The following BOC variants were observed in gnomAD, a reference collection of about 807,000 sequenced individuals.
BOC encodes brother of CDO.
BOC carries 76 observed loss-of-function variants against 112.0 expected under a neutral mutation model. That is an observed-to-expected ratio of 0.68 (90% confidence interval 0.56 to 0.82). BOC has a LOEUF of 0.82. Among genes scored for constraint, BOC ranks in the 40% least tolerant of loss-of-function variants. The probability of loss-of-function intolerance (pLI) is 0.00; values close to 1 mark genes in which losing one functional copy is unlikely to be tolerated. For missense variants in BOC, 1,309 were observed against 1,511.7 expected, an observed-to-expected ratio of 0.87 and a Z score of 2.22; for synonymous variants, 580 against 599.8, an observed-to-expected ratio of 0.97 and a Z score of 0.48.
At chr3:113,212,202 G>A (rs993501623) in intron 1 of BOC, 186 bp downstream of exon 1, 1 of 150,946 alleles carries the variant, frequency 6.6e-6, no homozygotes, top group Admixed American at 6.6e-5. Flanking sequence ...TGGGAGCTGC[G>A]GCCGAGGCTG....
intron 2 of BOC, among the ~76,000 whole-genome samples, chr3:113,223,999 C>T (rs1292369593): frequency 2.0e-5 from 3 of 152,274 alleles, no homozygotes; most frequent in African/African-American, 7.2e-5. Context: ...GAAGTATCAG[C>T]TGTGCAGACC....
Position 113,279,908 on chromosome 3 carries a change from C to T in BOC, c.2108C>T (p.Ser703Leu), listed in dbSNP as rs201653972. 5.0e-5 allele frequency: 81 copies of T among 1,613,964 alleles called. 1 individual carries two copies. The East Asian group carries it at 6.9e-4, about 14-fold the overall frequency. The change falls in exon 13 of 20, where the codon TCG becomes TTG. Residue 703 changes from serine to leucine, a missense_variant. By Grantham distance (145) the Ser-to-Leu change is moderately radical. Coordinates refer to ENST00000682979, the MANE Select transcript of BOC (RefSeq NM_001378074.1). ...GCCCCCTCTCGGCCCTACGTGGTGT[C>T]GGGCTACAGCGGTCGCGTGTACGAG... ...PSAPSRPYVVSGYSGRVYERP... is the reference protein window; with the variant it reads ...PSAPSRPYVVLGYSGRVYERP...
At position 113,274,883 on chromosome 3, in the gene BOC, GA is replaced by G. The variant is rs1451116047; in HGVS notation, c.1542+202del. Among the ~76,000 whole-genome samples, 1 of 152,182 alleles carries G rather than the reference GA, an allele frequency of 6.6e-6. No homozygotes were observed. Among genetic ancestry groups the G allele is most frequent in the East Asian group, 1.9e-4 (1 of 5,188 alleles). On this transcript the variant is annotated intron_variant, in intron 9 of 19. Transcript: ENST00000682979. This position sits in a 1 kb window ranked among gnomAD's most constrained non-coding sequence, Gnocchi z 4.8. ...AGCTGGTTGTAAGATGGGTGTGTGG[GA>G]CCCTGGAAGGCCCAGGAAAAAGCCT...
intron 4 of BOC, among the ~76,000 whole-genome samples, chr3:113,265,155 T>G (rs1258372737): frequency 6.6e-6 from 1 of 152,198 alleles, no homozygotes; most frequent in Non-Finnish European, 1.5e-5. Context: ...GGTGGGTGCC[T>G]GGCAGAGTGC....
chr3:113,260,721 A>ACGGAACAGAACAGAAC (rs1553737946), intron 4 of BOC, among the ~76,000 whole-genome samples: 2 of 92,262 alleles, frequency 2.2e-5, no homozygotes, highest in South Asian at 7.5e-4. Flanking sequence ...ACAGAACAGA[A>ACGGAACAGAACAGAAC]AGAACAGAAC....
At chr3:113,284,751 T>C (rs1377066168) in intron 17 of BOC, 31 bp from the exon 18 acceptor site, 2 of 1,607,106 alleles carry the variant, frequency 1.2e-6, no homozygotes, top group South Asian at 2.2e-5. Flanking sequence ...CTCCCCGGCG[T>C]GGCCGTCTCA....
intron 2 of BOC, among the ~76,000 whole-genome samples, chr3:113,226,545 A>T (rs1443077514): frequency 6.6e-6 from 1 of 152,218 alleles, no homozygotes; most frequent in East Asian, 1.9e-4. Flanking sequence ...AGTAAAGAGG[A>T]ACTGCGTGTC....
chr3:113,212,181 G>A (rs2107537712), intron 1 of BOC, 165 bp downstream of exon 1: 1 of 151,020 alleles, frequency 6.6e-6, no homozygotes, highest in East Asian at 1.9e-4. Flanking sequence ...GCTCGGCCGG[G>A]CGCCCGGGGC....
At position 113,272,488 on chromosome 3, in the gene BOC, T is replaced by C. The variant is rs1475216580; in HGVS notation, c.746T>C (p.Ile249Thr). Reference protein sequence around the residue: ...TIIVTKGQSLILECVASGIPP... With the variant: ...TIIVTKGQSLTLECVASGIPP... ...ATCGTCACCAAAGGCCAGAGTCTCA[T>C]TCTGGAGTGTGTGGCCAGTGGAATC... The change falls in exon 7 of 20, where the codon ATT becomes ACT. Residue 249 changes from isoleucine (I) to threonine (T), a missense_variant. By Grantham distance (89) the Ile-to-Thr change is moderately conservative (BLOSUM62 -1). Coordinates refer to ENST00000682979, the MANE Select transcript of BOC (RefSeq NM_001378074.1). 4 of 1,614,004 alleles carry C rather than the reference T, an allele frequency of 2.5e-6. No homozygotes were observed. The highest frequency in any genetic ancestry group is 2.5e-6 in the Non-Finnish European group (3 of 1,180,026).
At chr3:113,242,398 A>G (rs918287855) in intron 2 of BOC, among the ~76,000 whole-genome samples, 1 of 152,212 alleles carries the variant, frequency 6.6e-6, no homozygotes, top group Non-Finnish European at 1.5e-5. Context: ...AAAACTCCCC[A>G]GTAACTTTTT....
intron 2 of BOC, among the ~76,000 whole-genome samples, chr3:113,234,290 A>C (rs774245468): frequency 8.5e-5 from 13 of 152,108 alleles, no homozygotes; most frequent in Non-Finnish European, 1.9e-4. Context: ...GAATTCTTTT[A>C]AGACTTGTGA....
At chr3:113,281,927 A>G (rs1421631367) in intron 15 of BOC, among the ~76,000 whole-genome samples, 2 of 152,200 alleles carry the variant, frequency 1.3e-5, no homozygotes. Context: ...GAGGGAGGGC[A>G]GATACATGCA....
intron 2 of BOC, among the ~76,000 whole-genome samples, chr3:113,248,463 T>C (rs1181567788): frequency 2.0e-5 from 3 of 152,216 alleles, no homozygotes; most frequent in African/African-American, 7.2e-5. Context: ...TTTGAATGTA[T>C]GTCACACTCC....
chr3:113,278,488 G>A lies in BOC; in HGVS notation c.1706-185G>A, dbSNP rs1258132417. Among the ~76,000 whole-genome samples the A allele has an allele frequency of 6.6e-6, 1 of 152,042 alleles. No homozygotes were observed. Among genetic ancestry groups the A allele is most frequent in the Non-Finnish European group, 1.5e-5 (1 of 68,010 alleles). On this transcript the variant is annotated intron_variant, in intron 10 of 19. Transcript: ENST00000682979. The surrounding 1 kb of genome is among the most constrained non-coding windows in gnomAD (Gnocchi z 4.2). ...CCCTTCATCCCTCTCTCACACAGGG[G>A]CCAGCAATAGTACCACAACAGAACC...
chr3:113,215,812 T>C (rs966466569), intron 1 of BOC, among the ~76,000 whole-genome samples: 4 of 152,252 alleles, frequency 2.6e-5, no homozygotes, highest in African/African-American at 9.6e-5. Context: ...GCTGAGTTCA[T>C]TCCTTGCCCT....
intron 6 of BOC, chr3:113,271,759 G>A (rs1048887339): frequency 6.1e-6 from 1 of 164,846 alleles, no homozygotes; most frequent in Admixed American, 5.5e-5. Flanking sequence ...GCTGAGGAAC[G>A]GCACACATTA....
At chr3:113,211,475 A>T (rs1341571319), upstream of BOC, 1 of 37,386 alleles carries the variant, frequency 2.7e-5, no homozygotes, top group Non-Finnish European at 6.5e-5. Flanking sequence ...AGCCTCCTCC[A>T]CTCCCTCCTC....
intron 2 of BOC, among the ~76,000 whole-genome samples, chr3:113,241,730 C>T (rs1448424145): frequency 6.6e-6 from 1 of 152,220 alleles, no homozygotes; most frequent in Non-Finnish European, 1.5e-5. Flanking sequence ...CCCGGGGCAA[C>T]ACAGCCCCCA....
At chr3:113,220,843 T>A (rs76412146) in intron 2 of BOC, among the ~76,000 whole-genome samples, 1 of 152,052 alleles carries the variant, frequency 6.6e-6, no homozygotes, top group South Asian at 2.1e-4. Flanking sequence ...ATAATTCTGG[T>A]TAACATTCTT....
Sources: gnomAD v4.1 joint callset for allele counts (sites outside exome capture counted in the v4.1 genomes callset) on GRCh38, gnomAD v4.1.1 for gene constraint, Gnocchi (gnomAD v3.1) non-coding constraint, MANE v1.5 for transcripts, NCBI Gene and HGNC (gene_info 2026-07-23, HGNC 2026-07-21) for gene names.